BPNT1: variants seen among roughly 807,000 people sequenced by gnomAD.
BPNT1 encodes the protein 3'(2'),5'-bisphosphate nucleotidase 1.
Under a neutral mutation model 36.9 loss-of-function variants are expected in BPNT1, and 28 were observed. The observed-to-expected ratio is 0.76, with a 90% confidence interval of 0.56 to 1.04. BPNT1 has a LOEUF of 1.04. Ranked by LOEUF, BPNT1 falls within the 50% of genes least tolerant of loss-of-function variation. BPNT1 has a pLI of 0.00. For synonymous variants in BPNT1, 119 were observed against 130.9 expected, an observed-to-expected ratio of 0.91 and a Z score of 0.62; for missense variants, 313 against 372.9, an observed-to-expected ratio of 0.84 and a Z score of 1.32.
At chr1:220,080,143 G>A (rs923213149) in intron 1 of BPNT1, among the ~76,000 whole-genome samples, 18 of 152,204 alleles carry the variant, frequency 1.2e-4, no homozygotes, top group Non-Finnish European at 2.2e-4. Context: ...GTTTGTGTAT[G>A]AGGTCGTGGG....
chr1:220,065,975 CT>C, intron 6 of BPNT1: 2 of 717,634 alleles, frequency 2.8e-6, no homozygotes, highest in Non-Finnish European at 4.2e-6. Flanking sequence ...AGAAAATGAA[CT>C]GGTATGTGGG....
chr1:220,079,206 C>T (rs182850155), intron 2 of BPNT1, among the ~76,000 whole-genome samples: 81 of 152,056 alleles, frequency 5.3e-4, no homozygotes, highest in African/African-American at 1.9e-3. Context: ...GTTCAGAAGA[C>T]TCAGACATAT....
Position 220,062,767 on chromosome 1 carries a change from G to T in BPNT1, c.662C>A (p.Ala221Glu). The T allele has an allele frequency of 1.2e-6, 2 of 1,614,110 alleles. No individual in the cohort carries two copies. Among genetic ancestry groups the T allele is most frequent in the Non-Finnish European group, 1.7e-6 (2 of 1,179,992 alleles). The change falls in exon 7 of 9, where the codon GCA (alanine) becomes GAA (glutamate). Residue 221 changes from alanine (A) to glutamate (E), a missense_variant. Transcript: ENST00000322067. Reference sequence around the variant, plus strand: ...AGACATTTTTCATACCTTATTTCCTGCTCCTCCTACTCGCAGCACAGCATC... The same window carrying T: ...AGACATTTTTCATACCTTATTTCCTTCTCCTCCTACTCGCAGCACAGCATC... ...NPDAVLRVGG[A>E]GNKIIQLIEG... is the part of the protein sequence containing the mutation.
intron 6 of BPNT1, among the ~76,000 whole-genome samples, chr1:220,065,088 G>A (rs1480792021): frequency 3.9e-5 from 6 of 152,172 alleles, no homozygotes; most frequent in Admixed American, 6.5e-5. Context: ...GATTACAGGC[G>A]TGAGCCACCA....
At chr1:220,062,101 C>A (rs954875966) in intron 7 of BPNT1, among the ~76,000 whole-genome samples, 1 of 150,182 alleles carries the variant, frequency 6.7e-6, no homozygotes, top group East Asian at 1.9e-4. Context: ...CTGAAATGTA[C>A]AAATTATAGT....
Position 220,058,382 on chromosome 1 carries a change from C to T in BPNT1, c.*462G>A, listed in dbSNP as rs1662709739. On this transcript the variant is annotated 3_prime_UTR_variant, in exon 9 of 9. Coordinates refer to ENST00000322067, the MANE Select transcript of BPNT1 (RefSeq NM_006085.6). ...AAATTATTTAATTCTATTTTCTATT[C>T]CTAAATATAATAACTAAATATAAAT... is the stretch of plus-strand genomic sequence containing the variant. 1 of 969,578 alleles carries T rather than the reference C, an allele frequency of 1.0e-6. No homozygotes were observed. Among genetic ancestry groups the T allele is most frequent in the African/African-American group, 1.8e-5 (1 of 56,896 alleles). 60.1% of individuals were successfully genotyped at this position (969,578 alleles called of 1,614,324 possible). A position where few individuals can be genotyped will look rare whatever the true frequency, so the allele number is the denominator to read the frequency against.
At chr1:220,089,145 G>C (rs868738538) in intron 1 of BPNT1, among the ~76,000 whole-genome samples, 4 of 139,712 alleles carry the variant, frequency 2.9e-5, no homozygotes, top group African/African-American at 1.0e-4. Flanking sequence ...GGAAGGAGGA[G>C]GAAGAAGAAG....
chr1:220,088,142 A>ATTAC (rs1655916844), intron 1 of BPNT1, among the ~76,000 whole-genome samples: 1 of 151,828 alleles, frequency 6.6e-6, no homozygotes, highest in Non-Finnish European at 1.5e-5. Context: ...AAGTGCTAGG[A>ATTAC]TTACAGGCGT....
At chr1:220,074,577 ACT>A (rs1272471014) in intron 2 of BPNT1, among the ~76,000 whole-genome samples, 1 of 151,398 alleles carries the variant, frequency 6.6e-6, no homozygotes, top group Admixed American at 6.6e-5. Flanking sequence ...CTCACTGCAA[ACT>A]CTGCCTCCTG....
intron 2 of BPNT1, among the ~76,000 whole-genome samples, chr1:220,075,947 T>C (rs1664505700): frequency 6.6e-6 from 1 of 152,166 alleles, no homozygotes; most frequent in Non-Finnish European, 1.5e-5. Context: ...AAATAAGTGA[T>C]GTTAAGGAAA....
intron 7 of BPNT1, 55 bp downstream of exon 7, chr1:220,062,702 G>C (rs890832596): frequency 1.3e-6 from 2 of 1,569,506 alleles, no homozygotes; most frequent in Non-Finnish European, 1.8e-6. Flanking sequence ...TTTAGAAGTT[G>C]AGTATTTCAA....
At chr1:220,077,733 T>C (rs975271837) in intron 2 of BPNT1, among the ~76,000 whole-genome samples, 15 of 152,208 alleles carry the variant, frequency 9.9e-5, no homozygotes, top group African/African-American at 3.4e-4. Flanking sequence ...GTAACAACCC[T>C]AGATAGATAT....
intron 4 of BPNT1, among the ~76,000 whole-genome samples, chr1:220,072,348 C>T (rs374514112): frequency 2.0e-5 from 3 of 150,314 alleles, no homozygotes; most frequent in South Asian, 2.1e-4. Flanking sequence ...GGTGACAGAG[C>T]GAGACTCCGT....
chr1:220,080,864 C>G (rs546165828), intron 1 of BPNT1, among the ~76,000 whole-genome samples: 1 of 152,340 alleles, frequency 6.6e-6, no homozygotes, highest in Admixed American at 6.5e-5. Context: ...AGCAACCTAA[C>G]AAATTATAAT....
chr1:220,073,436 TCA>T (rs575103702), intron 3 of BPNT1, among the ~76,000 whole-genome samples: 31 of 152,000 alleles, frequency 2.0e-4, no homozygotes, highest in African/African-American at 7.5e-4. Context: ...TTACAGGCAT[TCA>T]CCACCAAGCC....
At chr1:220,079,548 G>A (rs898113751) in intron 2 of BPNT1, among the ~76,000 whole-genome samples, 179 bp downstream of exon 2, 2 of 152,256 alleles carry the variant, frequency 1.3e-5, no homozygotes, top group South Asian at 2.1e-4. Context: ...CACCACGCCC[G>A]GCCTTGGAAT....
intron 1 of BPNT1, among the ~76,000 whole-genome samples, chr1:220,083,614 A>G (rs889375003): frequency 6.6e-6 from 1 of 152,050 alleles, no homozygotes; most frequent in Non-Finnish European, 1.5e-5. Context: ...CCCGGCCAAT[A>G]AAACGGGTTT....
At position 220,057,888 on chromosome 1, in the gene BPNT1, C is replaced by A. The variant is rs961230287; in HGVS notation, c.*956G>T. 4.5e-5 allele frequency: 58 copies of A among 1,302,038 alleles called. No homozygotes were observed. The highest frequency in any genetic ancestry group is 2.3e-4 in the Middle Eastern group (1 of 4,400). The allele number at this position is 1,302,038 out of a possible 1,614,324, so 80.7% of individuals were successfully genotyped here. On this transcript the variant is annotated 3_prime_UTR_variant, in exon 9 of 9. Transcript: ENST00000322067. ...AGAAAAAATTGTGCCCTAAAGAAAT[C>A]TGGTTTAGGCCAGGTGCGGTGGCTC...
chr1:220,068,496 A>G (rs2102670497), intron 5 of BPNT1, among the ~76,000 whole-genome samples: 1 of 151,550 alleles, frequency 6.6e-6, no homozygotes, highest in Non-Finnish European at 1.5e-5. Context: ...TCTTAAGTTT[A>G]AAAATAAAAC....
Sources: allele counts gnomAD v4.1 joint callset (sites outside exome capture counted in the v4.1 genomes callset), GRCh38; gene constraint gnomAD v4.1.1; transcripts MANE v1.5; gene names NCBI Gene and HGNC (gene_info 2026-07-23, HGNC 2026-07-21).